NELL2: variants seen among roughly 807,000 people sequenced by gnomAD.
NELL2 encodes the protein protein kinase C-binding protein NELL2.
A neutral mutation model predicts 109.6 loss-of-function variants in NELL2; 41 were observed. That is an observed-to-expected ratio of 0.37 (90% confidence interval 0.29 to 0.49). The LOEUF is 0.49. Among genes scored for constraint, NELL2 ranks in the 20% least tolerant of loss-of-function variants. The probability of loss-of-function intolerance (pLI) is 0.98; values close to 1 mark genes in which losing one functional copy is unlikely to be tolerated. For synonymous variants in NELL2, 355 were observed against 344.7 expected (o/e 1.03, Z -0.33); for missense variants, 900 against 1,008.3 (o/e 0.89, Z 1.45).
At chr12:44,518,348 C>T (rs754150175) in intron 19 of NELL2, among the ~76,000 whole-genome samples, 2 of 151,902 alleles carry the variant, frequency 1.3e-5, no homozygotes, top group African/African-American at 4.8e-5. Flanking sequence ...GGGTTCACGC[C>T]ATTCTCCTAC....
At chr12:44,794,073 T>C (rs1027014940) in intron 3 of NELL2, among the ~76,000 whole-genome samples, 5 of 152,152 alleles carry the variant, frequency 3.3e-5, no homozygotes, top group African/African-American at 1.2e-4. Flanking sequence ...CCTTCCTGCC[T>C]CCCTACCAAG....
upstream of NELL2, among the ~76,000 whole-genome samples, chr12:44,917,576 C>T (rs1466702405): frequency 1.3e-5 from 2 of 152,160 alleles, no homozygotes; most frequent in African/African-American, 4.8e-5. Context: ...TAATCCCCTC[C>T]CATTGAACGT....
At chr12:44,816,159 C>T (rs1943341631) in intron 2 of NELL2, 23 bp from the exon 3 acceptor site, 1 of 1,553,212 alleles carries the variant, frequency 6.4e-7, no homozygotes, top group Non-Finnish European at 8.7e-7. Flanking sequence ...CAAACATATA[C>T]TAAGAATAGT....
rs1389729473 is a variant in NELL2, at chr12:44,522,157, C to T, written c.2018G>A (p.Arg673Gln). ...CSCQNGFVMC[R>Q]RMVCDCENPT... ...ATTCTCACAGTCACAGACCATCCGT[C>T]GACACATAACGAATCCATTCTGTAT... is the stretch of plus-strand genomic sequence containing the variant. Residue 673 changes from arginine to glutamine, a missense_variant, in exon 18 of 20, where the codon CGA (arginine) becomes CAA (glutamine). Transcript: ENST00000429094. 1 of 1,613,332 alleles carries T rather than the reference C, an allele frequency of 6.2e-7. No homozygotes were observed. Among genetic ancestry groups the T allele is most frequent in the South Asian group, 1.1e-5 (1 of 90,880 alleles).
At chr12:44,897,683 A>C (rs1329831012) in intron 1 of NELL2, among the ~76,000 whole-genome samples, 1 of 151,916 alleles carries the variant, frequency 6.6e-6, no homozygotes, top group Non-Finnish European at 1.5e-5. Flanking sequence ...CAAGCACAAA[A>C]CTGGGCAGCC....
At chr12:44,638,692 C>A (rs941946788) in intron 13 of NELL2, among the ~76,000 whole-genome samples, 3 of 152,088 alleles carry the variant, frequency 2.0e-5, no homozygotes, top group Non-Finnish European at 4.4e-5. Context: ...ACCCTAGGAC[C>A]CTGGTTAAAT....
intron 15 of NELL2, among the ~76,000 whole-genome samples, chr12:44,563,218 A>G (rs1434912800): frequency 6.6e-6 from 1 of 152,136 alleles, no homozygotes; most frequent in Non-Finnish European, 1.5e-5. Flanking sequence ...AATGTAGATG[A>G]CAGGTTGATT....
At chr12:44,659,002 T>C (rs1384416017) in intron 13 of NELL2, among the ~76,000 whole-genome samples, 2 of 149,804 alleles carry the variant, frequency 1.3e-5, no homozygotes, top group Non-Finnish European at 3.0e-5. Flanking sequence ...CCAAAACAGA[T>C]ATATAGACCA....
At chr12:44,636,088 C>T (rs1444846248) in intron 13 of NELL2, among the ~76,000 whole-genome samples, 1 of 152,052 alleles carries the variant, frequency 6.6e-6, no homozygotes, top group African/African-American at 2.4e-5. Flanking sequence ...CTCTGTTTGT[C>T]TATTATTGGT....
chr12:44,802,873 G>A (rs1397831066), intron 3 of NELL2, among the ~76,000 whole-genome samples: 5 of 151,996 alleles, frequency 3.3e-5, no homozygotes, highest in Admixed American at 6.6e-5. Context: ...CATGGTCAAG[G>A]GATGTAAAGG....
chr12:44,694,220 G>A (rs2136401344), intron 12 of NELL2, among the ~76,000 whole-genome samples: 1 of 152,202 alleles, frequency 6.6e-6, no homozygotes, highest in South Asian at 2.1e-4. Context: ...AACGTGGGCA[G>A]GCCTCATACA....
chr12:44,839,034 G>T (rs113562605), intron 2 of NELL2, among the ~76,000 whole-genome samples: 28 of 152,222 alleles, frequency 1.8e-4, no homozygotes, highest in African/African-American at 6.0e-4. Flanking sequence ...GTAATGAGGG[G>T]GTTTAATTTT....
intron 15 of NELL2, among the ~76,000 whole-genome samples, chr12:44,557,695 A>G (rs1459675971): frequency 6.6e-6 from 1 of 152,210 alleles, no homozygotes; most frequent in Non-Finnish European, 1.5e-5. Context: ...GGGGTTCAAG[A>G]GAGATTGAGA....
chr12:44,573,649 G>A (rs1943956526), intron 15 of NELL2, among the ~76,000 whole-genome samples: 1 of 152,148 alleles, frequency 6.6e-6, no homozygotes, highest in African/African-American at 2.4e-5. Context: ...TTAAAAGGAA[G>A]ACTTGTGATA....
intron 3 of NELL2, among the ~76,000 whole-genome samples, chr12:44,790,669 C>A (rs149705056): frequency 6.6e-6 from 1 of 151,292 alleles, no homozygotes; most frequent in Non-Finnish European, 1.5e-5. Context: ...CATTTCAATA[C>A]TAACATTGAA....
At chr12:44,580,483 G>A (rs1444135520) in intron 15 of NELL2, among the ~76,000 whole-genome samples, 3 of 152,124 alleles carry the variant, frequency 2.0e-5, no homozygotes, top group Non-Finnish European at 2.9e-5. Context: ...TTGGGAGGCC[G>A]AGGTGGGCAG....
chr12:44,632,960 A>G (rs980212832), intron 13 of NELL2, among the ~76,000 whole-genome samples: 12 of 152,082 alleles, frequency 7.9e-5, no homozygotes, highest in African/African-American at 2.9e-4. Flanking sequence ...TAGGACTACC[A>G]CTGAAAATCA....
intron 2 of NELL2, among the ~76,000 whole-genome samples, chr12:44,816,880 A>C (rs1943370231): frequency 6.6e-6 from 1 of 152,224 alleles, no homozygotes; most frequent in Non-Finnish European, 1.5e-5. Context: ...TTATATGGGG[A>C]AACAGATAAG....
At chr12:44,774,610 A>T in intron 9 of NELL2, 137 bp downstream of exon 9, 1 of 707,816 alleles carries the variant, frequency 1.4e-6, no homozygotes, top group South Asian at 1.8e-5. Flanking sequence ...ACCAAAACAG[A>T]GAAAGTATTC....
Sources: allele counts gnomAD v4.1 joint callset (sites outside exome capture counted in the v4.1 genomes callset), GRCh38; gene constraint gnomAD v4.1.1; transcripts MANE v1.5; gene names NCBI Gene and HGNC (gene_info 2026-07-23, HGNC 2026-07-21).